Variants in CDH13 observed in about 807,000 individuals in gnomAD.
The protein encoded by CDH13 is cadherin-13.
A neutral mutation model predicts 63.8 loss-of-function variants in CDH13; 24 were observed. That is an observed-to-expected ratio of 0.38 (90% CI 0.27 to 0.53). The LOEUF is 0.53. Ranked by LOEUF, CDH13 falls within the 20% of genes least tolerant of loss-of-function variation. The pLI, the probability that CDH13 is intolerant of heterozygous loss-of-function variation, is 0.85. For synonymous variants in CDH13, 503 were observed against 355.3 expected, an observed-to-expected ratio of 1.42 and a Z score of -4.67; for missense variants, 1,049 against 903.1, an observed-to-expected ratio of 1.16 and a Z score of -2.07.
At chr16:82,634,531 C>T (rs908751071) in intron 1 of CDH13, among the ~76,000 whole-genome samples, 1 of 152,296 alleles carries the variant, frequency 6.6e-6, no homozygotes, top group East Asian at 1.9e-4. Context: ...AAATTATGGC[C>T]CGTGAGCCAA....
intron 6 of CDH13, among the ~76,000 whole-genome samples, chr16:83,474,762 C>G (rs1262488393): frequency 1.3e-5 from 2 of 152,200 alleles, no homozygotes; most frequent in African/African-American, 4.8e-5. Flanking sequence ...TCTCCCAGAA[C>G]AGGGAACCCA....
chr16:82,739,672 A>G (rs1213832020), intron 1 of CDH13, among the ~76,000 whole-genome samples: 3 of 152,338 alleles, frequency 2.0e-5, no homozygotes, highest in African/African-American at 7.2e-5. Context: ...TTGTTGTTCA[A>G]ACAACACCTT....
intron 7 of CDH13, among the ~76,000 whole-genome samples, chr16:83,551,784 A>C (rs972633412): frequency 3.3e-5 from 5 of 152,284 alleles, no homozygotes; most frequent in Middle Eastern, 3.4e-3. Context: ...TTGTCTACCC[A>C]TCTCACCTGC....
intron 2 of CDH13, among the ~76,000 whole-genome samples, chr16:83,001,496 C>T (rs1190200411): frequency 6.6e-6 from 1 of 152,226 alleles, no homozygotes. Flanking sequence ...GAAAACAGAG[C>T]TGCCAGACCG....
intron 10 of CDH13, among the ~76,000 whole-genome samples, chr16:83,691,659 G>C (rs1390428853): frequency 6.6e-6 from 1 of 152,020 alleles, no homozygotes; most frequent in Admixed American, 6.6e-5. Context: ...TTGGCAGCCC[G>C]ACCGCAAATC....
chr16:82,973,691 G>A (rs1232369645), intron 2 of CDH13, among the ~76,000 whole-genome samples: 1 of 152,174 alleles, frequency 6.6e-6, no homozygotes, highest in Non-Finnish European at 1.5e-5. Context: ...CTGAAGGGAT[G>A]ATATTTGAAC....
intron 6 of CDH13, among the ~76,000 whole-genome samples, chr16:83,396,947 C>T (rs926832972): frequency 5.9e-5 from 9 of 152,154 alleles, no homozygotes; most frequent in Non-Finnish European, 1.0e-4. Context: ...AGCTGAGGCT[C>T]TATGAAATCA....
intron 1 of CDH13, among the ~76,000 whole-genome samples, chr16:82,812,355 G>T (rs1216490386): frequency 1.3e-5 from 2 of 152,022 alleles, no homozygotes; most frequent in Non-Finnish European, 2.9e-5. Context: ...CTTCCCCAAA[G>T]AAAAAAATGA....
intron 1 of CDH13, among the ~76,000 whole-genome samples, chr16:82,735,524 A>C (rs2033628776): frequency 6.6e-6 from 1 of 152,246 alleles, no homozygotes; most frequent in Admixed American, 6.5e-5. Context: ...TGGGCAAATC[A>C]AGAAATTGTA....
At chr16:82,944,696 C>G (rs1396494817) in intron 2 of CDH13, among the ~76,000 whole-genome samples, 1 of 152,046 alleles carries the variant, frequency 6.6e-6, no homozygotes, top group Non-Finnish European at 1.5e-5. Context: ...GGGTACCTGC[C>G]CATTACTGCT....
chr16:82,678,142 C>G (rs1226086645), intron 1 of CDH13, among the ~76,000 whole-genome samples: 1 of 152,014 alleles, frequency 6.6e-6, no homozygotes, highest in African/African-American at 2.4e-5. Context: ...ACTTTCTTTT[C>G]CTGTAAGAAT....
At chr16:82,983,709 G>A (rs566943155) in intron 2 of CDH13, among the ~76,000 whole-genome samples, 3 of 152,186 alleles carry the variant, frequency 2.0e-5, no homozygotes, top group African/African-American at 4.8e-5. Context: ...GTATGAGAGA[G>A]ATTGTGCATA....
chr16:83,622,458 C>G (rs1288747801), intron 8 of CDH13, among the ~76,000 whole-genome samples: 1 of 152,182 alleles, frequency 6.6e-6, no homozygotes, highest in Non-Finnish European at 1.5e-5. Context: ...GAACACAGCA[C>G]CATTCTTGCA....
At chr16:83,634,112 GTTTTC>G (rs1331088453) in intron 8 of CDH13, among the ~76,000 whole-genome samples, 17 of 117,282 alleles carry the variant, frequency 1.4e-4, no homozygotes, top group Admixed American at 1.4e-3. Context: ...ATTTTTGTGT[GTTTTC>G]TGTGTGTGTG....
At chr16:83,238,520 A>T (rs1206930406) in intron 5 of CDH13, among the ~76,000 whole-genome samples, 1 of 152,162 alleles carries the variant, frequency 6.6e-6, no homozygotes, top group Non-Finnish European at 1.5e-5. Flanking sequence ...ACACAGCCAA[A>T]CCATATCAGA....
intron 7 of CDH13, among the ~76,000 whole-genome samples, chr16:83,598,748 C>T (rs909551407): frequency 6.6e-6 from 1 of 152,150 alleles, no homozygotes. Flanking sequence ...ACAACAACAA[C>T]AAACTCCATC....
intron 8 of CDH13, among the ~76,000 whole-genome samples, chr16:83,648,749 C>T (rs930345933): frequency 6.6e-6 from 1 of 152,082 alleles, no homozygotes; most frequent in Non-Finnish European, 1.5e-5. Flanking sequence ...TCTTTATTCT[C>T]TATTCTCTCT....
At chr16:83,657,560 G>C (rs535288074) in intron 8 of CDH13, among the ~76,000 whole-genome samples, 1 of 152,258 alleles carries the variant, frequency 6.6e-6, no homozygotes, top group Admixed American at 6.5e-5. Flanking sequence ...CTACTTTACT[G>C]AACAGCCCAC....
At chr16:82,699,644 G>A (rs1204613769) in intron 1 of CDH13, among the ~76,000 whole-genome samples, 1 of 152,174 alleles carries the variant, frequency 6.6e-6, no homozygotes, top group African/African-American at 2.4e-5. Flanking sequence ...CATTTCTGCT[G>A]AACCAAAATG....
Sources: allele counts gnomAD v4.1 joint callset (sites outside exome capture counted in the v4.1 genomes callset), GRCh38; gene constraint gnomAD v4.1.1; transcripts MANE v1.5; gene names NCBI Gene and HGNC (gene_info 2026-07-23, HGNC 2026-07-21).